PPM1G: variants seen among roughly 807,000 people sequenced by gnomAD.
The protein encoded by PPM1G is protein phosphatase 1G.
Under a neutral mutation model 59.4 loss-of-function variants are expected in PPM1G, and 12 were observed. The ratio of observed to expected loss-of-function variants is 0.20; its 90% CI spans 0.13 to 0.33. The LOEUF is 0.33. PPM1G is among the 10% of genes least tolerant of loss of function. The pLI is 1.00. For missense variants in PPM1G, 392 were observed against 681.3 expected (o/e 0.58, Z 4.73); for synonymous variants, 245 against 251.9 (o/e 0.97, Z 0.26).
chr2:27,391,785 G>A (rs540709161), intron 1 of PPM1G, among the ~76,000 whole-genome samples: 3 of 149,958 alleles, frequency 2.0e-5, no homozygotes, highest in East Asian at 2.0e-4. Context: ...AGGGTGGAGT[G>A]CAGTGGCGCG....
At chr2:27,403,191 T>A (rs966744150) in intron 1 of PPM1G, among the ~76,000 whole-genome samples, 3 of 151,930 alleles carry the variant, frequency 2.0e-5, no homozygotes, top group African/African-American at 7.3e-5. Flanking sequence ...TGCCTGTAAT[T>A]CCAGCACTTT....
intron 1 of PPM1G, chr2:27,392,672 A>C (rs1239679117): frequency 5.8e-6 from 4 of 692,668 alleles, no homozygotes. Context: ...AAAGAACTTA[A>C]GTGGGTGTCT....
Position 27,383,510 on chromosome 2 carries a change from C to T in PPM1G, c.1057G>A (p.Val353Ile). ...TCTAAAGCTTTGCCAGCCTCAGATA[C>T]CACACAGCGAGAGTCTCCTGCGTTG... The part of the protein sequence containing the change: ...VANAGDSRCV[V>I]SEAGKALDMS... Residue 353 changes from valine (V) to isoleucine (I), a missense_variant, in exon 7 of 10, where the codon GTA becomes ATA. Physicochemically the swap from Val to Ile is conservative, Grantham distance 29. Coordinates refer to ENST00000344034, the MANE Select transcript of PPM1G (RefSeq NM_177983.3). The surrounding 1 kb of genome is among the most constrained non-coding windows in gnomAD (Gnocchi z 5.0). 6.2e-7 allele frequency: 1 copy of T among 1,614,200 alleles called. No individual in the cohort carries two copies. The highest frequency in any genetic ancestry group is 8.5e-7 in the Non-Finnish European group (1 of 1,180,028).
At chr2:27,392,149 T>C (rs1683919500) in intron 1 of PPM1G, among the ~76,000 whole-genome samples, 1 of 152,078 alleles carries the variant, frequency 6.6e-6, no homozygotes, top group South Asian at 2.1e-4. Flanking sequence ...AATGGAATCT[T>C]AACTCTCCCA....
intron 1 of PPM1G, among the ~76,000 whole-genome samples, chr2:27,400,355 T>C (rs548102063): frequency 1.3e-5 from 2 of 152,212 alleles, no homozygotes; most frequent in African/African-American, 4.8e-5. Context: ...TGAGCTGAGA[T>C]CGCATCACTG....
chr2:27,403,303 G>A (rs566584219), intron 1 of PPM1G, among the ~76,000 whole-genome samples: 323 of 151,944 alleles, frequency 2.1e-3, no homozygotes, highest in African/African-American at 7.4e-3. Flanking sequence ...AAAGTTAGCT[G>A]GGCATGGTGG....
chr2:27,386,145 A>G, intron 3 of PPM1G, 49 bp downstream of exon 3: 2 of 1,522,098 alleles, frequency 1.3e-6, no homozygotes, highest in African/African-American at 1.4e-5. Flanking sequence ...GCTAGAGAAC[A>G]AGGGAAAAGC....
chr2:27,384,051 T>C lies in PPM1G; in HGVS notation c.867A>G (p.Ala289=), dbSNP rs1258265432. 1 of 1,612,884 alleles carries C rather than the reference T, an allele frequency of 6.2e-7. No individual in the cohort carries two copies. Among genetic ancestry groups the C allele is most frequent in the Admixed American group, 1.7e-5 (1 of 59,806 alleles). Reference sequence around the variant, plus strand: ...TGTCATCCTCATCTTCCTCATTCTCTGCCTCCTCACTGCTGTAGCCATCCT... The same window carrying C: ...TGTCATCCTCATCTTCCTCATTCTCCGCCTCCTCACTGCTGTAGCCATCCT... ...EEEDGYSSEE[A]ENEEDEDDTE... The change falls in exon 6 of 10, where the codon GCA becomes GCG. Residue 289 remains alanine (A), a synonymous_variant. Transcript: ENST00000344034. The surrounding 1 kb of genome is among the most constrained non-coding windows in gnomAD (Gnocchi z 4.8).
intron 1 of PPM1G, among the ~76,000 whole-genome samples, chr2:27,408,334 T>G (rs548294123): frequency 6.6e-6 from 1 of 152,160 alleles, no homozygotes; most frequent in Non-Finnish European, 1.5e-5. Context: ...CCTGGCCCTT[T>G]TGCCTAGACT....
At chr2:27,395,092 G>A (rs1277478872) in intron 1 of PPM1G, among the ~76,000 whole-genome samples, 5 of 151,142 alleles carry the variant, frequency 3.3e-5, no homozygotes, top group African/African-American at 7.3e-5. Context: ...TTAGCTGGGC[G>A]TGGTGGTGCA....
At position 27,385,438 on chromosome 2, in the gene PPM1G, G is replaced by A. The variant is rs949328276; in HGVS notation, c.409+309C>T. 6 of 422,460 alleles carry A rather than the reference G, an allele frequency of 1.4e-5. No homozygotes were observed. Among genetic ancestry groups the A allele is most frequent in the Non-Finnish European group, 2.5e-5 (6 of 240,094 alleles). 26.2% of individuals were successfully genotyped at this position (422,460 alleles called of 1,614,324 possible). Reference sequence around the variant, plus strand: ...ATTTAGGCTTAATGATTGGCTATTGGGGCTAATAACTGCTCCAGTCTTGAG... The same window carrying A: ...ATTTAGGCTTAATGATTGGCTATTGAGGCTAATAACTGCTCCAGTCTTGAG... On this transcript the variant is annotated intron_variant, in intron 4 of 9. Coordinates refer to ENST00000344034, the MANE Select transcript of PPM1G (RefSeq NM_177983.3). The surrounding 1 kb of genome is among the most constrained non-coding windows in gnomAD (Gnocchi z 4.1).
intron 1 of PPM1G, among the ~76,000 whole-genome samples, chr2:27,406,570 A>G (rs779893196): frequency 5.3e-5 from 8 of 152,234 alleles, no homozygotes; most frequent in Non-Finnish European, 1.0e-4. Context: ...TTAGGATGTA[A>G]GGAATAGTCT....
intron 1 of PPM1G, among the ~76,000 whole-genome samples, chr2:27,406,819 C>T (rs761387401): frequency 6.6e-6 from 1 of 151,978 alleles, no homozygotes. Context: ...AAATGAGAAA[C>T]CTGGAAGAAA....
Position 27,385,490 on chromosome 2 carries a change from C to T in PPM1G, c.409+257G>A, listed in dbSNP as rs1027549599. ...GGAAAAAAAAGCACATAAATACTAG[C>T]AGGAACCAGGAAGACCCCATCACAA... On this transcript the variant is annotated intron_variant, in intron 4 of 9. Coordinates refer to ENST00000344034, the MANE Select transcript of PPM1G (RefSeq NM_177983.3). The surrounding 1 kb of genome is among the most constrained non-coding windows in gnomAD (Gnocchi z 4.1). 5 of 471,514 alleles carry T rather than the reference C, an allele frequency of 1.1e-5. No homozygotes were observed. In the Admixed American group the frequency reaches 1.6e-4, roughly 15 times the overall value. 29.2% of individuals were successfully genotyped at this position (471,514 alleles called of 1,614,324 possible).
intron 1 of PPM1G, chr2:27,392,703 G>C (rs1294964869): frequency 2.4e-6 from 2 of 834,676 alleles, no homozygotes; most frequent in Admixed American, 1.8e-5. Flanking sequence ...TATAGAAAAG[G>C]TAAAGGAAAC....
At chr2:27,396,790 T>C (rs955866699) in intron 1 of PPM1G, among the ~76,000 whole-genome samples, 4 of 130,872 alleles carry the variant, frequency 3.1e-5, no homozygotes, top group African/African-American at 9.7e-5. Flanking sequence ...CACTCCAGCA[T>C]AGGTGACAGA....
Position 27,383,852 on chromosome 2 carries a change from C to T in PPM1G, c.966+100G>A. ...AAATCCCCATGACTATTACTTCCAT[C>T]CTAAAGTATCAGGGGGATCCCCTGT... On this transcript the variant is annotated intron_variant, in intron 6 of 9. Coordinates refer to ENST00000344034, the MANE Select transcript of PPM1G (RefSeq NM_177983.3). This position sits in a 1 kb window ranked among gnomAD's most constrained non-coding sequence, Gnocchi z 5.0. The T allele has an allele frequency of 1.3e-6, 2 of 1,490,256 alleles. No individual in the cohort carries two copies. The highest frequency in any genetic ancestry group is 1.8e-6 in the Non-Finnish European group (2 of 1,106,440). The allele number at this position is 1,490,256 out of a possible 1,614,324, so 92.3% of individuals were successfully genotyped here.
At position 27,409,580 on chromosome 2, in the gene PPM1G, G is replaced by A. The variant is rs1397649909; in HGVS notation, c.-158C>T. On this transcript the variant is annotated 5_prime_UTR_variant, in exon 1 of 10. Transcript: ENST00000344034. ...GAGGCCGGCCAGGAGGCGGTAACGG[G>A]ACGGGAGCTGTGAGGGAGCGGAAGC... The A allele has an allele frequency of 5.2e-6, 5 of 960,940 alleles. No homozygotes were observed. The highest frequency in any genetic ancestry group is 2.7e-5 in the South Asian group (1 of 36,450). The allele number at this position is 960,940 out of a possible 1,614,324, so 59.5% of individuals were successfully genotyped here. A position where few individuals can be genotyped will look rare whatever the true frequency, so the allele number is the denominator to read the frequency against.
chr2:27,393,874 C>CA (rs1179221557), intron 1 of PPM1G, among the ~76,000 whole-genome samples: 1 of 152,148 alleles, frequency 6.6e-6, no homozygotes, highest in East Asian at 1.9e-4. Flanking sequence ...GCCATTCTCC[C>CA]GTCTCAAAAC....
Sources: allele counts gnomAD v4.1 joint callset (sites outside exome capture counted in the v4.1 genomes callset), GRCh38; gene constraint gnomAD v4.1.1; non-coding constraint Gnocchi (gnomAD v3.1); transcripts MANE v1.5; gene names NCBI Gene and HGNC (gene_info 2026-07-23, HGNC 2026-07-21).